Variants in CDH13 observed in about 807,000 individuals in gnomAD.
The protein encoded by CDH13 is cadherin-13.
CDH13 carries 24 observed loss-of-function variants against 63.8 expected under a neutral mutation model. The observed-to-expected ratio is 0.38, with a 90% CI of 0.27 to 0.53. CDH13 has a LOEUF of 0.53. CDH13 is among the 20% of genes least tolerant of loss of function. The pLI, the probability that CDH13 is intolerant of heterozygous loss-of-function variation, is 0.85. For missense variants in CDH13, 1,049 were observed against 903.1 expected (o/e 1.16, Z -2.07); for synonymous variants, 503 against 355.3 (o/e 1.42, Z -4.67).
intron 2 of CDH13, among the ~76,000 whole-genome samples, chr16:82,924,094 A>ATAACTGGTATATTAAAT (rs2042235837): frequency 6.6e-6 from 1 of 152,250 alleles, no homozygotes; most frequent in East Asian, 1.9e-4. Context: ...ACCCAATTAA[A>ATAACTGGTATATTAAAT]TAACTGGTAT....
intron 3 of CDH13, among the ~76,000 whole-genome samples, chr16:83,123,076 T>C (rs1444841898): frequency 1.3e-5 from 2 of 152,182 alleles, no homozygotes; most frequent in African/African-American, 4.8e-5. Flanking sequence ...TCCGGCTTCA[T>C]CCATGTGGCT....
intron 6 of CDH13, among the ~76,000 whole-genome samples, chr16:83,457,719 A>G (rs1598065499): frequency 1.3e-5 from 2 of 152,228 alleles, no homozygotes; most frequent in East Asian, 1.9e-4. Context: ...TTGCAGCTAA[A>G]AGACAGGGAA....
intron 2 of CDH13, among the ~76,000 whole-genome samples, chr16:83,013,438 G>T (rs1914361342): frequency 6.6e-6 from 1 of 152,108 alleles, no homozygotes; most frequent in Non-Finnish European, 1.5e-5. Context: ...TCTTTACGCA[G>T]CTGCCATAAA....
chr16:83,680,006 G>T (rs575278597), intron 10 of CDH13, among the ~76,000 whole-genome samples: 61 of 152,186 alleles, frequency 4.0e-4, no homozygotes, highest in Non-Finnish European at 7.6e-4. Flanking sequence ...GGAAGGTCAG[G>T]CTGGGTTGTT....
chr16:83,524,812 T>A (rs1298706282), intron 7 of CDH13, among the ~76,000 whole-genome samples: 2 of 152,136 alleles, frequency 1.3e-5, no homozygotes, highest in East Asian at 3.9e-4. Context: ...CCTGTAGCAC[T>A]GAGAGTGTCA....
At chr16:82,967,149 C>T (rs1004543181) in intron 2 of CDH13, among the ~76,000 whole-genome samples, 3 of 152,066 alleles carry the variant, frequency 2.0e-5, no homozygotes, top group Non-Finnish European at 2.9e-5. Context: ...GTTAAAGAAA[C>T]AGCTGGAAAG....
chr16:83,049,054 C>T (rs2029974593), intron 3 of CDH13, among the ~76,000 whole-genome samples: 1 of 152,142 alleles, frequency 6.6e-6, no homozygotes, highest in Non-Finnish European at 1.5e-5. Flanking sequence ...CCTGAGGCTG[C>T]TTGAAGTCTC....
chr16:82,676,375 C>G (rs1317044910), intron 1 of CDH13, among the ~76,000 whole-genome samples: 2 of 152,132 alleles, frequency 1.3e-5, no homozygotes, highest in Admixed American at 6.5e-5. Flanking sequence ...TTTCCCCTTT[C>G]TCACAGTCAA....
chr16:83,250,453 G>A (rs1567538733), intron 5 of CDH13, among the ~76,000 whole-genome samples: 1 of 152,118 alleles, frequency 6.6e-6, no homozygotes, highest in Admixed American at 6.5e-5. Flanking sequence ...TGAGCCCTAG[G>A]GAAAGGAAGT....
At chr16:83,408,187 C>A (rs561555257) in intron 6 of CDH13, among the ~76,000 whole-genome samples, 1 of 152,206 alleles carries the variant, frequency 6.6e-6, no homozygotes, top group Non-Finnish European at 1.5e-5. Context: ...CTGTATCACT[C>A]TGATCATCAC....
chr16:83,194,967 TA>T (rs2038835311), intron 4 of CDH13, among the ~76,000 whole-genome samples: 1 of 152,238 alleles, frequency 6.6e-6, no homozygotes, highest in African/African-American at 2.4e-5. Context: ...CGAATGGTAA[TA>T]TTTTTTCATA....
chr16:83,365,213 TCCAGTCTAAACGCC>T (rs2091235527), intron 6 of CDH13, among the ~76,000 whole-genome samples: 1 of 152,194 alleles, frequency 6.6e-6, no homozygotes, highest in Non-Finnish European at 1.5e-5. Context: ...TGGTATCATT[TCCAGTCTAAACGCC>T]AGCAGGAAGG....
intron 2 of CDH13, among the ~76,000 whole-genome samples, chr16:82,949,317 A>G (rs958601404): frequency 4.6e-5 from 7 of 152,132 alleles, no homozygotes; most frequent in African/African-American, 1.4e-4. Flanking sequence ...TTCCTCACAC[A>G]GTGTTCTCCC....
At chr16:83,486,350 C>T in intron 6 of CDH13, 127 bp from the exon 7 acceptor site, 3 of 642,464 alleles carry the variant, frequency 4.7e-6, no homozygotes, top group Non-Finnish European at 2.5e-6. Flanking sequence ...TTGGGAAATA[C>T]TTTTCTTTTT....
chr16:82,993,266 C>G (rs939073902), intron 2 of CDH13, among the ~76,000 whole-genome samples: 1 of 152,078 alleles, frequency 6.6e-6, no homozygotes. Context: ...ATGTCTTGGG[C>G]TCTCCCACCG....
intron 7 of CDH13, among the ~76,000 whole-genome samples, chr16:83,566,640 C>T (rs112958429): frequency 3.2e-3 from 485 of 152,224 alleles, no homozygotes; most frequent in Non-Finnish European, 5.3e-3. Flanking sequence ...CTAATGAGGC[C>T]GGGCAGAGCA....
chr16:82,719,235 C>G, intron 1 of CDH13: 1 of 344,356 alleles, frequency 2.9e-6, no homozygotes, highest in Non-Finnish European at 5.9e-6. Context: ...CGAGCAGGAA[C>G]CTCACATCAC....
intron 3 of CDH13, among the ~76,000 whole-genome samples, chr16:83,085,945 A>G (rs757797566): frequency 2.0e-5 from 3 of 152,330 alleles, no homozygotes; most frequent in African/African-American, 4.8e-5. Flanking sequence ...ATGAAATACT[A>G]TGTTAGTGCC....
chr16:83,511,856 T>C (rs939589334), intron 7 of CDH13, among the ~76,000 whole-genome samples: 2 of 152,116 alleles, frequency 1.3e-5, no homozygotes, highest in African/African-American at 4.8e-5. Context: ...GGCTTTGGGA[T>C]CTCTCCCTTC....
Sources: allele counts gnomAD v4.1 joint callset (sites outside exome capture counted in the v4.1 genomes callset), GRCh38; gene constraint gnomAD v4.1.1; transcripts MANE v1.5; gene names NCBI Gene and HGNC (gene_info 2026-07-23, HGNC 2026-07-21).